Variants in NDUFAF2 observed in about 807,000 individuals in gnomAD.
NDUFAF2 encodes the protein NADH dehydrogenase [ubiquinone] 1 alpha subcomplex assembly factor 2.
A neutral mutation model predicts 22.8 loss-of-function variants in NDUFAF2; 13 were observed. That is an observed-to-expected ratio of 0.57 (90% confidence interval 0.37 to 0.91). NDUFAF2 has a LOEUF of 0.91. NDUFAF2 is among the 40% of genes least tolerant of loss of function. The probability of loss-of-function intolerance (pLI) is 0.01; values close to 1 mark genes in which losing one functional copy is unlikely to be tolerated. For synonymous variants in NDUFAF2, 53 were observed against 64.2 expected (o/e 0.83, Z 0.84); for missense variants, 162 against 195.2 (o/e 0.83, Z 1.01).
chr5:61,076,761 A>G (rs76339698), intron 2 of NDUFAF2, among the ~76,000 whole-genome samples: 18,591 of 152,248 alleles, frequency 0.12, 1,255 homozygotes, highest in African/African-American at 0.17. Flanking sequence ...TTAGGGGAAC[A>G]TAGGCAAAAT....
chr5:60,981,283 C>T (rs531043278), intron 1 of NDUFAF2, among the ~76,000 whole-genome samples: 5 of 152,198 alleles, frequency 3.3e-5, no homozygotes, highest in East Asian at 1.9e-4. Context: ...AGTGGCATGA[C>T]ATATTTAACA....
intron 3 of NDUFAF2, among the ~76,000 whole-genome samples, chr5:61,132,121 T>G (rs1753119678): frequency 6.6e-6 from 1 of 152,236 alleles, no homozygotes; most frequent in Non-Finnish European, 1.5e-5. Flanking sequence ...GTCACCTATT[T>G]ACTTACATTC....
chr5:61,096,814 AT>A (rs907881119), intron 2 of NDUFAF2, among the ~76,000 whole-genome samples: 87 of 152,182 alleles, frequency 5.7e-4, no homozygotes, highest in African/African-American at 2.0e-3. Context: ...AAATACAAAA[AT>A]TAGCTGGGCA....
At chr5:61,128,094 T>C (rs1377483516) in intron 3 of NDUFAF2, among the ~76,000 whole-genome samples, 1 of 152,134 alleles carries the variant, frequency 6.6e-6, no homozygotes, top group East Asian at 1.9e-4. Flanking sequence ...TTACAAGGGA[T>C]GTGAAGGACC....
intron 1 of NDUFAF2, among the ~76,000 whole-genome samples, chr5:60,988,166 A>C (rs920862197): frequency 4.6e-5 from 7 of 152,198 alleles, no homozygotes; most frequent in African/African-American, 1.7e-4. Context: ...TCAGGAATGC[A>C]ATCCCATTCA....
intron 1 of NDUFAF2, among the ~76,000 whole-genome samples, chr5:60,956,170 G>A (rs372138359): frequency 1.9e-4 from 29 of 152,156 alleles, no homozygotes; most frequent in African/African-American, 6.7e-4. Context: ...CAAAGTGTTG[G>A]GATTATAGGC....
At chr5:61,132,118 A>G (rs1333848008) in intron 3 of NDUFAF2, among the ~76,000 whole-genome samples, 2 of 152,138 alleles carry the variant, frequency 1.3e-5, no homozygotes, top group Admixed American at 6.5e-5. Context: ...CCAGTCACCT[A>G]TTTACTTACA....
At chr5:60,962,317 A>G (rs1228130514) in intron 1 of NDUFAF2, among the ~76,000 whole-genome samples, 1 of 152,180 alleles carries the variant, frequency 6.6e-6, no homozygotes, top group Non-Finnish European at 1.5e-5. Flanking sequence ...TGAAAGCATC[A>G]TCAAGTTTTC....
chr5:60,996,361 T>A (rs1751228679), intron 1 of NDUFAF2, among the ~76,000 whole-genome samples: 1 of 152,070 alleles, frequency 6.6e-6, no homozygotes, highest in Non-Finnish European at 1.5e-5. Flanking sequence ...CTGAAACAGG[T>A]GCCTGACAAC....
At chr5:61,010,624 T>C (rs1448606145) in intron 1 of NDUFAF2, among the ~76,000 whole-genome samples, 1 of 152,150 alleles carries the variant, frequency 6.6e-6, no homozygotes, top group Admixed American at 6.6e-5. Flanking sequence ...TACCACTCTC[T>C]GTTATTACAT....
chr5:61,008,661 C>A (rs1751404573), intron 1 of NDUFAF2, among the ~76,000 whole-genome samples: 1 of 152,070 alleles, frequency 6.6e-6, no homozygotes, highest in African/African-American at 2.4e-5. Context: ...TTATTACCAC[C>A]TTTATCTTTA....
chr5:60,963,798 C>T (rs966745276), intron 1 of NDUFAF2, among the ~76,000 whole-genome samples: 6 of 152,156 alleles, frequency 3.9e-5, no homozygotes, highest in African/African-American at 1.4e-4. Context: ...GAGTTGAGAT[C>T]AGAAGTGTTG....
At chr5:61,067,748 G>A (rs796890197) in intron 1 of NDUFAF2, among the ~76,000 whole-genome samples, 4 of 151,976 alleles carry the variant, frequency 2.6e-5, no homozygotes, top group African/African-American at 4.8e-5. Flanking sequence ...GACTTCCACA[G>A]TGGTTGAACT....
chr5:61,150,313 T>C (rs1332426596), intron 3 of NDUFAF2, among the ~76,000 whole-genome samples: 2 of 152,192 alleles, frequency 1.3e-5, no homozygotes, highest in Non-Finnish European at 2.9e-5. Flanking sequence ...GTACCAGTTA[T>C]GTTTTTGGTA....
intron 1 of NDUFAF2, among the ~76,000 whole-genome samples, chr5:60,990,522 T>A (rs1751144634): frequency 1.3e-5 from 2 of 152,158 alleles, no homozygotes; most frequent in South Asian, 4.1e-4. Context: ...TTAAATTATT[T>A]TATGTATTTA....
At chr5:61,137,600 C>G (rs1740983108) in intron 3 of NDUFAF2, among the ~76,000 whole-genome samples, 1 of 152,102 alleles carries the variant, frequency 6.6e-6, no homozygotes. Flanking sequence ...AAAAGACTTT[C>G]CAGCAGAGAG....
At position 61,068,906 on chromosome 5, in the gene NDUFAF2, A is replaced by G. The variant is rs139181681; in HGVS notation, c.128-4219A>G. On this transcript the variant is annotated intron_variant, in intron 1 of 3. Transcript: ENST00000296597. ...GTTAAGTGTCTAGGATCTGGAGTCA[A>G]AAGACCCATGTTCAAATCCTGATAT... Among the ~76,000 whole-genome samples the G allele has an allele frequency of 4.3e-3, 652 of 152,276 alleles. 5 individuals carry two copies. Among genetic ancestry groups the G allele is most frequent in the African/African-American group, 0.015 (607 of 41,568 alleles).
chr5:60,994,290 G>A (rs1040425493), intron 1 of NDUFAF2, among the ~76,000 whole-genome samples: 9 of 152,226 alleles, frequency 5.9e-5, no homozygotes, highest in African/African-American at 2.2e-4. Flanking sequence ...ACAGATGCCC[G>A]GCTCTGTAAC....
chr5:60,993,557 G>T (rs756510173), intron 1 of NDUFAF2, among the ~76,000 whole-genome samples: 2 of 152,186 alleles, frequency 1.3e-5, no homozygotes, highest in African/African-American at 4.8e-5. Context: ...CCTGGAGTGG[G>T]TAGCTCCTCT....
Sources: gnomAD v4.1 joint callset for allele counts (sites outside exome capture counted in the v4.1 genomes callset) on GRCh38, gnomAD v4.1.1 for gene constraint, MANE v1.5 for transcripts, NCBI Gene and HGNC (gene_info 2026-07-23, HGNC 2026-07-21) for gene names.